The following CELF2 variants were observed in gnomAD, a reference collection of about 807,000 sequenced individuals.
CELF2 encodes CUGBP Elav-like family member 2, also known as CUG triplet repeat RNA-binding protein 2.
CELF2 carries 8 observed loss-of-function variants against 62.6 expected under a neutral mutation model. The observed-to-expected ratio is 0.13, with a 90% CI of 0.07 to 0.23. CELF2 has a LOEUF of 0.23. CELF2 is among the 10% of genes least tolerant of loss of function. CELF2 has a pLI of 1.00. For missense variants in CELF2, 333 were observed against 671.0 expected (o/e 0.50, Z 5.56); for synonymous variants, 258 against 250.0 (o/e 1.03, Z -0.30).
chr10:10,546,541 T>G, the CELF2 span, among the ~76,000 whole-genome samples: 2 of 152,174 alleles, frequency 1.3e-5, no homozygotes, highest in African/African-American at 4.8e-5. Context: ...TGTAACTGCT[T>G]TCCTGAGTCA....
the CELF2 span, among the ~76,000 whole-genome samples, chr10:10,773,227 T>A: frequency 3.3e-5 from 5 of 152,322 alleles, no homozygotes; most frequent in Non-Finnish European, 7.3e-5. Flanking sequence ...TTAAGATTTT[T>A]CAAGGGGATT....
chr10:10,793,274 C>T, the CELF2 span, among the ~76,000 whole-genome samples: 1 of 151,990 alleles, frequency 6.6e-6, no homozygotes, highest in Non-Finnish European at 1.5e-5. Flanking sequence ...ACTTGAAATC[C>T]CATTAAAGTT....
the CELF2 span, among the ~76,000 whole-genome samples, chr10:10,704,898 T>G: frequency 2.0e-5 from 3 of 152,026 alleles, no homozygotes; most frequent in African/African-American, 4.8e-5. Context: ...TAAGATTTTT[T>G]TTTTTTTTTT....
At chr10:10,916,921 C>CCTT (rs762010086) in intron 1 of CELF2, among the ~76,000 whole-genome samples, 9 of 151,534 alleles carry the variant, frequency 5.9e-5, no homozygotes, top group Non-Finnish European at 1.3e-4. Context: ...CCTGGAATTT[C>CCTT]CTTCTTCTTC....
the CELF2 span, among the ~76,000 whole-genome samples, chr10:10,591,562 G>A: frequency 2.0e-5 from 3 of 151,956 alleles, no homozygotes; most frequent in Admixed American, 1.3e-4. Context: ...TTTTGTAAGT[G>A]TTGTGACAAA....
chr10:10,944,530 A>C (rs2047429472), intron 2 of CELF2, among the ~76,000 whole-genome samples: 1 of 152,142 alleles, frequency 6.6e-6, no homozygotes, highest in African/African-American at 2.4e-5. Flanking sequence ...TCAACTTTAG[A>C]GGGGGCAAGA....
At chr10:11,056,004 A>G (rs2065158645) in intron 1 of CELF2, among the ~76,000 whole-genome samples, 1 of 152,268 alleles carries the variant, frequency 6.6e-6, no homozygotes, top group South Asian at 2.1e-4. Context: ...GCCTAAATCC[A>G]AGAAGTGCAT....
At chr10:11,126,683 A>G (rs930189255) in intron 1 of CELF2, among the ~76,000 whole-genome samples, 13 of 152,348 alleles carry the variant, frequency 8.5e-5, no homozygotes, top group African/African-American at 2.9e-4. Flanking sequence ...AGAATAAAAC[A>G]GTCATATCTG....
At chr10:11,192,711 C>G (rs1292886736) in intron 2 of CELF2, among the ~76,000 whole-genome samples, 1 of 152,186 alleles carries the variant, frequency 6.6e-6, no homozygotes, top group African/African-American at 2.4e-5. Context: ...TTCTTTTCAC[C>G]GAGTTCACAT....
chr10:10,584,307 G>T, the CELF2 span, among the ~76,000 whole-genome samples: 1 of 152,170 alleles, frequency 6.6e-6, no homozygotes, highest in Admixed American at 6.6e-5. Flanking sequence ...AGTGGAAGAA[G>T]ATTTACAGAC....
rs2137915391 is a variant in CELF2, at chr10:11,258,857, T to C, written c.538+985T>C. Among the ~76,000 whole-genome samples the C allele has an allele frequency of 2.6e-5, 4 of 152,278 alleles. 1 individual carries two copies. The Middle Eastern group carries it at 0.01, about 388-fold the overall frequency. On this transcript the variant is annotated intron_variant, in intron 5 of 12. Coordinates refer to ENST00000633077, the MANE Select transcript of CELF2 (RefSeq NM_001326342.2). ...GCACGCTACCACGCCTGGCCAACTT[T>C]TGTATTTTAGTAGACATGGGGTTTC...
intron 1 of CELF2, among the ~76,000 whole-genome samples, chr10:10,863,030 GA>G (rs1462401717): frequency 6.6e-6 from 1 of 152,176 alleles, no homozygotes; most frequent in East Asian, 1.9e-4. Flanking sequence ...TTAAAATGAT[GA>G]CAACAGTTGA....
At chr10:11,208,923 A>C (rs2061101768) in intron 2 of CELF2, among the ~76,000 whole-genome samples, 1 of 152,236 alleles carries the variant, frequency 6.6e-6, no homozygotes, top group South Asian at 2.1e-4. Flanking sequence ...TCCACAGGAA[A>C]GGCAAAGGCA....
intron 1 of CELF2, among the ~76,000 whole-genome samples, chr10:10,816,397 G>T (rs2131855004): frequency 6.6e-6 from 1 of 152,278 alleles, no homozygotes; most frequent in South Asian, 2.1e-4. Context: ...AAAAGTATTT[G>T]CTGAAAATCT....
At chr10:10,546,822 T>C in the CELF2 span, among the ~76,000 whole-genome samples, 41 of 152,012 alleles carry the variant, frequency 2.7e-4, no homozygotes, top group Non-Finnish European at 1.5e-5. Context: ...AAACTTCATA[T>C]TCAGCCAGGT....
At chr10:11,124,976 A>C (rs938951716) in intron 1 of CELF2, among the ~76,000 whole-genome samples, 1 of 152,230 alleles carries the variant, frequency 6.6e-6, no homozygotes, top group Non-Finnish European at 1.5e-5. Flanking sequence ...GGTAGATTAC[A>C]AACAGGCATA....
intron 8 of CELF2, 99 bp downstream of exon 8, chr10:11,275,219 A>T: frequency 8.6e-7 from 1 of 1,164,596 alleles, no homozygotes; most frequent in Non-Finnish European, 1.3e-6. Flanking sequence ...GAGAACCAAG[A>T]ATGATGATCA....
chr10:11,205,967 T>A (rs1312458551), intron 2 of CELF2, among the ~76,000 whole-genome samples: 1 of 152,220 alleles, frequency 6.6e-6, no homozygotes, highest in Non-Finnish European at 1.5e-5. Context: ...TCCATTTCAC[T>A]TTGACTGTAA....
At position 11,266,642 on chromosome 10, in the gene CELF2, G is replaced by T. The variant is rs1182504262; in HGVS notation, c.583G>T (p.Ala195Ser). 6.2e-7 allele frequency: 1 copy of T among 1,614,042 alleles called. No homozygotes were observed. The highest frequency in any genetic ancestry group is 1.1e-5 in the South Asian group (1 of 91,068). Residue 195 changes from alanine (A) to serine (S), a missense_variant, in exon 6 of 13, where the codon GCA becomes TCA. Transcript: ENST00000633077. ...TFSTRAMAQN[A>S]IKAMHQSQTM... Reference sequence around the variant, plus strand: ...TTCTACAAGGGCAATGGCACAGAATGCAATCAAAGCCATGCATCAGTCTCA... The same window carrying T: ...TTCTACAAGGGCAATGGCACAGAATTCAATCAAAGCCATGCATCAGTCTCA...
Sources: allele counts gnomAD v4.1 joint callset (sites outside exome capture counted in the v4.1 genomes callset), GRCh38; gene constraint gnomAD v4.1.1; transcripts MANE v1.5; gene names NCBI Gene and HGNC (gene_info 2026-07-23, HGNC 2026-07-21).